The following TMCC1 variants were observed in gnomAD, a reference collection of about 807,000 sequenced individuals.
TMCC1 encodes the protein transmembrane and coiled-coil domain family 1.
Under a neutral mutation model 52.4 loss-of-function variants are expected in TMCC1, and 15 were observed. The observed-to-expected ratio is 0.29, with a 90% CI of 0.19 to 0.44. The LOEUF is 0.44. Among genes scored for constraint, TMCC1 ranks in the 20% least tolerant of loss-of-function variants. The pLI is 1.00. For synonymous variants in TMCC1, 279 were observed against 301.9 expected (o/e 0.92, Z 0.79); for missense variants, 503 against 806.0 (o/e 0.62, Z 4.55).
rs569172503 is a variant in TMCC1, at chr3:129,885,931, CAG to C, written c.-434-5374_-434-5373del. Reference sequence around the variant, plus strand: ...CTAATTTTTGTATTTTTAGTAGAGACAGGGTTTCACCATGTTGGCCAGGATGG... The same window carrying C: ...CTAATTTTTGTATTTTTAGTAGAGACGGTTTCACCATGTTGGCCAGGATGG... On this transcript the variant is annotated intron_variant, in intron 1 of 6. Coordinates refer to ENST00000393238, the MANE Select transcript of TMCC1 (RefSeq NM_001017395.5). 1.0e-3 allele frequency among the ~76,000 whole-genome samples: 150 copies of C among 150,392 alleles called. 2 individuals carry two copies. The highest frequency in any genetic ancestry group is 7.0e-3 in the Middle Eastern group (2 of 286).
intron 2 of TMCC1, among the ~76,000 whole-genome samples, chr3:129,875,474 G>A (rs2061150673): frequency 8.5e-6 from 1 of 118,290 alleles, no homozygotes. Context: ...CTAGGGGACA[G>A]AGGAGGACTC....
At chr3:129,816,832 T>C (rs2058120592) in intron 4 of TMCC1, among the ~76,000 whole-genome samples, 1 of 151,974 alleles carries the variant, frequency 6.6e-6, no homozygotes, top group Non-Finnish European at 1.5e-5. Flanking sequence ...GAGATCAGCC[T>C]GGTCAACATA....
rs186645258 is a variant in TMCC1, at chr3:129,743,529, T to C, written c.577-72265A>G. Among the ~76,000 whole-genome samples the C allele has an allele frequency of 3.3e-5, 5 of 152,222 alleles. No individual in the cohort carries two copies. In the East Asian group the frequency reaches 9.6e-4, roughly 29 times the overall value. On this transcript the variant is annotated intron_variant, in intron 4 of 6. Transcript: ENST00000393238. ...GAAGTATTCAGAGCAAAAAATTAAA[T>C]CACAAAGTGACAAGATAGGGTTGTA... is the stretch of plus-strand genomic sequence containing the variant.
chr3:129,861,087 T>C (rs2060369689), intron 2 of TMCC1: 1 of 152,188 alleles, frequency 6.6e-6, no homozygotes, highest in African/African-American at 2.4e-5. Flanking sequence ...CCTTTGGTGC[T>C]CTGAGAAGTT....
At chr3:129,714,171 A>T (rs186016773) in intron 4 of TMCC1, among the ~76,000 whole-genome samples, 85 of 152,366 alleles carry the variant, frequency 5.6e-4, no homozygotes, top group African/African-American at 2.0e-3. Context: ...TCAACTGGGC[A>T]TGAAAACAAA....
At chr3:129,690,632 T>C (rs2046961138) in intron 4 of TMCC1, among the ~76,000 whole-genome samples, 1 of 152,278 alleles carries the variant, frequency 6.6e-6, no homozygotes, top group African/African-American at 2.4e-5. Context: ...ATTTAATTGC[T>C]AATGTGAAGC....
chr3:129,725,683 GAT>G (rs1491121481), intron 4 of TMCC1, among the ~76,000 whole-genome samples: 2 of 148,880 alleles, frequency 1.3e-5, no homozygotes, highest in African/African-American at 4.9e-5. Context: ...TTTGAACATT[GAT>G]TTTTTTTTTT....
chr3:129,702,506 A>C (rs1447956910), intron 4 of TMCC1, among the ~76,000 whole-genome samples: 1 of 152,192 alleles, frequency 6.6e-6, no homozygotes, highest in South Asian at 2.1e-4. Context: ...AGTAATATAT[A>C]GGTAAACCAT....
At chr3:129,704,002 G>A (rs2048031476) in intron 4 of TMCC1, among the ~76,000 whole-genome samples, 1 of 152,186 alleles carries the variant, frequency 6.6e-6, no homozygotes, top group African/African-American at 2.4e-5. Context: ...GAGAAGTAGA[G>A]TAGTGGCAGA....
At chr3:129,670,197 A>G in intron 5 of TMCC1, 133 bp downstream of exon 5, 1 of 859,992 alleles carries the variant, frequency 1.2e-6, no homozygotes, top group Non-Finnish European at 1.8e-6. Flanking sequence ...ACTCATGTGG[A>G]TGTCTTATGA....
chr3:129,654,878 T>G, intron 6 of TMCC1, 90 bp downstream of exon 6: 1 of 1,524,538 alleles, frequency 6.6e-7, no homozygotes, highest in Non-Finnish European at 8.9e-7. Flanking sequence ...CTTTGTTCTC[T>G]ACCTTCTCAT....
intron 4 of TMCC1, among the ~76,000 whole-genome samples, chr3:129,729,708 T>C (rs2050392221): frequency 6.6e-6 from 1 of 152,196 alleles, no homozygotes; most frequent in African/African-American, 2.4e-5. Context: ...GTATTTAATA[T>C]ACCTAACTTA....
intron 2 of TMCC1, among the ~76,000 whole-genome samples, chr3:129,843,048 TAACTAA>T (rs1203628770): frequency 6.6e-6 from 1 of 151,998 alleles, no homozygotes; most frequent in Non-Finnish European, 1.5e-5. Context: ...GAACAAATTA[TAACTAA>T]AACAGAAGGA....
chr3:129,775,267 T>A (rs1443834260), intron 4 of TMCC1, among the ~76,000 whole-genome samples: 2 of 152,004 alleles, frequency 1.3e-5, no homozygotes, highest in African/African-American at 4.8e-5. Flanking sequence ...CAACAAAGCA[T>A]GACAACCCCA....
At chr3:129,733,301 T>C (rs1225232126) in intron 4 of TMCC1, among the ~76,000 whole-genome samples, 1 of 152,242 alleles carries the variant, frequency 6.6e-6, no homozygotes, top group Non-Finnish European at 1.5e-5. Context: ...ACACAGCCTT[T>C]ATGCATCTTC....
At chr3:129,766,156 C>T (rs2054108579) in intron 4 of TMCC1, among the ~76,000 whole-genome samples, 1 of 152,202 alleles carries the variant, frequency 6.6e-6, no homozygotes, top group South Asian at 2.1e-4. Flanking sequence ...ATCCCTTCGT[C>T]TTTCCTAACT....
At chr3:129,877,689 C>G (rs1044875363) in intron 2 of TMCC1, among the ~76,000 whole-genome samples, 1 of 142,690 alleles carries the variant, frequency 7.0e-6, no homozygotes, top group African/African-American at 2.7e-5. Context: ...AGTGCAGTGG[C>G]GCAATCTTGG....
chr3:129,875,432 A>T (rs1311670643), intron 2 of TMCC1, among the ~76,000 whole-genome samples: 1 of 141,650 alleles, frequency 7.1e-6, no homozygotes, highest in African/African-American at 2.6e-5. Context: ...CAGAGGTTGC[A>T]GTCAGCCAAG....
chr3:129,764,650 A>C (rs1413737773), intron 4 of TMCC1, among the ~76,000 whole-genome samples: 2 of 151,568 alleles, frequency 1.3e-5, no homozygotes, highest in African/African-American at 4.8e-5. Flanking sequence ...CACCCTTTTC[A>C]GATATTCCTA....
Sources: allele counts gnomAD v4.1 joint callset (sites outside exome capture counted in the v4.1 genomes callset), GRCh38; gene constraint gnomAD v4.1.1; transcripts MANE v1.5; gene names NCBI Gene and HGNC (gene_info 2026-07-23, HGNC 2026-07-21).